The following MCUB variants were observed in gnomAD, a reference collection of about 807,000 sequenced individuals.
MCUB encodes calcium uniporter regulatory subunit MCUb, mitochondrial.
A neutral mutation model predicts 41.4 loss-of-function variants in MCUB; 46 were observed. The ratio of observed to expected loss-of-function variants is 1.11; its 90% confidence interval spans 0.88 to 1.42. The LOEUF (loss-of-function observed/expected upper bound fraction) is 1.42, where lower values mean the gene tolerates loss of function less well. Among genes scored for constraint, MCUB ranks in the 40% most tolerant of loss-of-function variants. The pLI, the probability that MCUB is intolerant of heterozygous loss-of-function variation, is 0.00. For missense variants in MCUB, 403 were observed against 404.9 expected (o/e 1.00, Z 0.04); for synonymous variants, 148 against 148.2 (o/e 1.00, Z 0.01).
At chr4:109,604,410 T>C (rs1727824052) in intron 1 of MCUB, among the ~76,000 whole-genome samples, 2 of 152,136 alleles carry the variant, frequency 1.3e-5, no homozygotes, top group African/African-American at 4.8e-5. Context: ...AAAAAATAGT[T>C]TTTTGGTGGA....
At chr4:109,678,937 A>AT (rs1729649095) in intron 4 of MCUB, among the ~76,000 whole-genome samples, 2 of 70,554 alleles carry the variant, frequency 2.8e-5, no homozygotes, top group Admixed American at 1.4e-4. Flanking sequence ...CATCCCAGAC[A>AT]GGGTGGCCGG....
At chr4:109,646,565 C>A (rs142454016) in intron 1 of MCUB, among the ~76,000 whole-genome samples, 135 of 152,294 alleles carry the variant, frequency 8.9e-4, no homozygotes, top group African/African-American at 2.8e-3. Context: ...AGAATCACTC[C>A]ATTCATCTAC....
Position 109,582,784 on chromosome 4 carries a change from T to C in MCUB, c.99+22348T>C, listed in dbSNP as rs1579049479. On this transcript the variant is annotated intron_variant, in intron 1 of 7. Coordinates refer to ENST00000394650, the MANE Select transcript of MCUB (RefSeq NM_017918.5). ...AGGGATCCAGTTTCAGCTTTCTACA[T>C]ATAGCTAGCCAGTTTTCCCAGACCA... 3.9e-5 allele frequency among the ~76,000 whole-genome samples: 6 copies of C among 152,324 alleles called. No individual in the cohort carries two copies. The Middle Eastern group carries it at 0.02, about 518-fold the overall frequency.
At chr4:109,586,593 T>G (rs1463553775) in intron 1 of MCUB, among the ~76,000 whole-genome samples, 2 of 152,188 alleles carry the variant, frequency 1.3e-5, no homozygotes, top group African/African-American at 2.4e-5. Context: ...TGTGGTTTTA[T>G]TTACGTTTGG....
chr4:109,597,995 T>G (rs1579057613), intron 1 of MCUB, among the ~76,000 whole-genome samples: 4 of 137,326 alleles, frequency 2.9e-5, no homozygotes, highest in Admixed American at 7.2e-5. Flanking sequence ...TCTCAGACGA[T>G]GGGCGGCCGG....
At chr4:109,652,195 T>G (rs1014591482) in intron 1 of MCUB, among the ~76,000 whole-genome samples, 1 of 152,214 alleles carries the variant, frequency 6.6e-6, no homozygotes, top group Non-Finnish European at 1.5e-5. Context: ...CATTTTAACT[T>G]AACCTCTTTA....
intron 1 of MCUB, among the ~76,000 whole-genome samples, chr4:109,656,375 T>C (rs1729101410): frequency 9.6e-6 from 1 of 104,648 alleles, no homozygotes; most frequent in African/African-American, 3.7e-5. Flanking sequence ...TTTTTTTTTT[T>C]TTTTTTTTTT....
chr4:109,674,939 C>T (rs1407404269), intron 4 of MCUB, among the ~76,000 whole-genome samples: 2 of 152,156 alleles, frequency 1.3e-5, no homozygotes, highest in Non-Finnish European at 2.9e-5. Context: ...TAATGACTTA[C>T]GAGCAAGCTG....
chr4:109,578,190 A>G lies in MCUB; in HGVS notation c.99+17754A>G, dbSNP rs939553138. On this transcript the variant is annotated intron_variant, in intron 1 of 7. Coordinates refer to ENST00000394650, the MANE Select transcript of MCUB (RefSeq NM_017918.5). Reference sequence around the variant, plus strand: ...CAATCTCTCTCTCTTCCCCCCACACACAAAAAATCCAGTATCTTAAATTTT... The same window carrying G: ...CAATCTCTCTCTCTTCCCCCCACACGCAAAAAATCCAGTATCTTAAATTTT... Among the ~76,000 whole-genome samples the G allele has an allele frequency of 1.5e-4, 23 of 152,264 alleles. No homozygotes were observed. The East Asian group carries it at 4.1e-3, about 27-fold the overall frequency.
chr4:109,678,460 CTCACCTCCCAGACGGGGCGG>C (rs1341413108), intron 4 of MCUB, among the ~76,000 whole-genome samples: 1 of 148,196 alleles, frequency 6.7e-6, no homozygotes, highest in East Asian at 2.0e-4. Flanking sequence ...AGAGACGCTC[CTCACCTCCCAGACGGGGCGG>C]CCGGGCAGAG....
chr4:109,677,242 C>T lies in MCUB; in HGVS notation c.452-5340C>T, dbSNP rs76525017. 3.9e-3 allele frequency among the ~76,000 whole-genome samples: 588 copies of T among 152,286 alleles called. 3 individuals are homozygous for T. Among genetic ancestry groups the T allele is most frequent in the African/African-American group, 0.013 (524 of 41,550 alleles). On this transcript the variant is annotated intron_variant, in intron 4 of 7. Transcript: ENST00000394650. ...CCCTTTTGCAGTGGAAATATCTATC[C>T]CATACCTATCCAGCCATTGTATTTT...
chr4:109,637,439 C>T (rs1301606950), intron 1 of MCUB, among the ~76,000 whole-genome samples: 1 of 152,198 alleles, frequency 6.6e-6, no homozygotes, highest in African/African-American at 2.4e-5. Flanking sequence ...GAAAAAGATA[C>T]TTGCACACCC....
chr4:109,669,093 T>A (rs1488356670), intron 4 of MCUB, among the ~76,000 whole-genome samples: 1 of 152,128 alleles, frequency 6.6e-6, no homozygotes, highest in East Asian at 1.9e-4. Flanking sequence ...TAAAGGTTTT[T>A]ATTTTACCTC....
intron 1 of MCUB, among the ~76,000 whole-genome samples, chr4:109,602,122 T>G (rs1425885144): frequency 6.6e-6 from 1 of 152,228 alleles, no homozygotes; most frequent in African/African-American, 2.4e-5. Context: ...TATTAATCCC[T>G]TGTCAGATGG....
chr4:109,677,167 G>C (rs985981303), intron 4 of MCUB, among the ~76,000 whole-genome samples: 3 of 152,224 alleles, frequency 2.0e-5, no homozygotes, highest in Non-Finnish European at 2.9e-5. Context: ...TTACTACCCT[G>C]TTGGGTTTTG....
chr4:109,687,517 TA>T lies in MCUB; in HGVS notation c.939del (p.Glu314AsnfsTer3), dbSNP rs748016871. On this transcript the variant is annotated frameshift_variant, in exon 8 of 8. Transcript: ENST00000394650. LOFTEE classifies it low-confidence loss of function (END_TRUNC). ...NKLKEDLAKA[K>X]ESLKQARHSL... ...GCTTTTTCTTTTTCCCATGACAGGCTAAAGAATCCCTGAAACAGGCGCGTCA... is the reference window on the plus strand; with the variant it reads ...GCTTTTTCTTTTTCCCATGACAGGCTAAGAATCCCTGAAACAGGCGCGTCA... 7 of 1,608,258 alleles carry T rather than the reference TA, an allele frequency of 4.4e-6. No homozygotes were observed. The highest frequency in any genetic ancestry group is 4.3e-6 in the Non-Finnish European group (5 of 1,175,372).
rs1244749701 is a variant in MCUB at position 109,685,280 on chromosome 4, G to A, written c.846G>A (p.Arg282=). The change falls in exon 7 of 8, where the codon AGG becomes AGA. Residue 282 remains arginine (R), a synonymous_variant. Coordinates refer to ENST00000394650, the MANE Select transcript of MCUB (RefSeq NM_017918.5). ...ATACTTACTCAGCTGTTAAGAGTAG[G>A]CAATTTCTTCAGTTCTTCCACAAGA... ...QDYTYSAVKS[R]QFLQFFHKKS... The A allele has an allele frequency of 6.5e-7, 1 of 1,537,784 alleles. No homozygotes were observed. The highest frequency in any genetic ancestry group is 2.2e-5 in the East Asian group (1 of 44,466).
At chr4:109,671,483 T>C (rs1157078920) in intron 4 of MCUB, among the ~76,000 whole-genome samples, 1 of 152,224 alleles carries the variant, frequency 6.6e-6, no homozygotes, top group Non-Finnish European at 1.5e-5. Flanking sequence ...GCTGACTGAT[T>C]CTTTCCTCCC....
At chr4:109,613,402 C>T (rs1473941713) in intron 1 of MCUB, among the ~76,000 whole-genome samples, 1 of 152,170 alleles carries the variant, frequency 6.6e-6, no homozygotes, top group East Asian at 1.9e-4. Flanking sequence ...GTAGTCATTA[C>T]AAGGCTGTTG....
Sources: allele counts gnomAD v4.1 joint callset (sites outside exome capture counted in the v4.1 genomes callset), GRCh38; gene constraint gnomAD v4.1.1; transcripts MANE v1.5; gene names NCBI Gene and HGNC (gene_info 2026-07-23, HGNC 2026-07-21).